FAM135B: variants seen among roughly 807,000 people sequenced by gnomAD.
FAM135B encodes family with sequence similarity 135 member B, also known as protein FAM135B.
A neutral mutation model predicts 127.7 loss-of-function variants in FAM135B; 43 were observed. The ratio of observed to expected loss-of-function variants is 0.34; its 90% CI spans 0.26 to 0.43. FAM135B has a LOEUF of 0.43. Among genes scored for constraint, FAM135B ranks in the 20% least tolerant of loss-of-function variants. The pLI is 1.00. For synonymous variants in FAM135B, 670 were observed against 665.1 expected (o/e 1.01, Z -0.11); for missense variants, 1,558 against 1,725.6 (o/e 0.90, Z 1.72).
intron 1 of FAM135B, among the ~76,000 whole-genome samples, chr8:138,375,020 A>G (rs934924174): frequency 6.6e-6 from 1 of 150,800 alleles, no homozygotes; most frequent in East Asian, 2.0e-4. Context: ...CAACAACCCC[A>G]GATTATTGTG....
intron 2 of FAM135B, among the ~76,000 whole-genome samples, chr8:138,341,607 T>C (rs1389738790): frequency 6.6e-6 from 1 of 151,980 alleles, no homozygotes; most frequent in Non-Finnish European, 1.5e-5. Context: ...TTTACCAAAA[T>C]TGAAAAAAAT....
chr8:138,145,432 C>T (rs1415433626), intron 15 of FAM135B, among the ~76,000 whole-genome samples: 1 of 152,102 alleles, frequency 6.6e-6, no homozygotes. Flanking sequence ...TGACATGGAC[C>T]CTGCCTAACT....
intron 1 of FAM135B, among the ~76,000 whole-genome samples, chr8:138,371,917 G>C (rs1324253885): frequency 6.6e-6 from 1 of 152,180 alleles, no homozygotes; most frequent in Admixed American, 6.5e-5. Context: ...GTGTGTCCAG[G>C]CACTCTGGCA....
At chr8:138,424,379 G>A (rs923000271) in intron 1 of FAM135B, among the ~76,000 whole-genome samples, 27 of 152,130 alleles carry the variant, frequency 1.8e-4, no homozygotes, top group African/African-American at 4.6e-4. Context: ...GGCTTCAGCC[G>A]GTCCCTCCGT....
At chr8:138,369,699 A>G (rs1027715730) in intron 1 of FAM135B, among the ~76,000 whole-genome samples, 4 of 152,172 alleles carry the variant, frequency 2.6e-5, no homozygotes, top group South Asian at 2.1e-4. Context: ...CCGAGGCTCA[A>G]TTTTAATCCC....
chr8:138,294,097 A>G (rs1825311980), intron 3 of FAM135B, among the ~76,000 whole-genome samples: 1 of 152,198 alleles, frequency 6.6e-6, no homozygotes, highest in South Asian at 2.1e-4. Flanking sequence ...ATTTTGCAAT[A>G]ACTCAGGTGG....
intron 11 of FAM135B, among the ~76,000 whole-genome samples, chr8:138,177,115 C>T (rs1814544063): frequency 6.6e-6 from 1 of 152,164 alleles, no homozygotes; most frequent in Non-Finnish European, 1.5e-5. Context: ...GTCTACAAAA[C>T]CATGATACTC....
In FAM135B at chr8:138,442,267, T is replaced by TATATATATAC. The variant is rs1554694338; in HGVS notation, c.-20+54403_-20+54404insGTATATATAT. On this transcript the variant is annotated intron_variant, in intron 1 of 19. Coordinates refer to ENST00000395297, the MANE Select transcript of FAM135B (RefSeq NM_015912.4). The stretch of plus-strand genomic sequence containing the variant: ...ATATATATATATATATATATATATA[T>TATATATATAC]ATATATATATGAAAAACCTTGGCAG... Among the ~76,000 whole-genome samples, 704 of 86,724 alleles carry TATATATATAC rather than the reference T, an allele frequency of 8.1e-3. 45 individuals are homozygous for TATATATATAC. The highest frequency in any genetic ancestry group is 8.7e-3 in the Non-Finnish European group (366 of 41,948). The allele number at this position is 86,724 out of a possible 152,430, so 56.9% of individuals were successfully genotyped here.
intron 1 of FAM135B, among the ~76,000 whole-genome samples, chr8:138,424,490 T>C (rs952273981): frequency 6.6e-6 from 1 of 152,194 alleles, no homozygotes; most frequent in Non-Finnish European, 1.5e-5. Context: ...CAAATGGGTA[T>C]CTACTTTAAA....
intron 2 of FAM135B, among the ~76,000 whole-genome samples, chr8:138,342,111 C>G (rs370329760): frequency 6.6e-6 from 1 of 152,222 alleles, no homozygotes; most frequent in Non-Finnish European, 1.5e-5. Flanking sequence ...CATCTCTTCA[C>G]CCATTTTATC....
intron 1 of FAM135B, among the ~76,000 whole-genome samples, chr8:138,392,304 A>G (rs921227002): frequency 2.6e-5 from 4 of 152,222 alleles, no homozygotes; most frequent in Non-Finnish European, 4.4e-5. Flanking sequence ...TCTCCAGGCC[A>G]GAAGACTAAG....
intron 3 of FAM135B, among the ~76,000 whole-genome samples, chr8:138,284,882 G>A (rs1824548275): frequency 6.6e-6 from 1 of 151,744 alleles, no homozygotes; most frequent in Non-Finnish European, 1.5e-5. Context: ...AGGGAGGTTT[G>A]TTTGGCTCAA....
intron 1 of FAM135B, among the ~76,000 whole-genome samples, chr8:138,380,749 G>GA (rs111906316): frequency 0.032 from 4,864 of 149,996 alleles, 224 homozygotes; most frequent in African/African-American, 0.1. Context: ...CAAGAGGTTG[G>GA]AAAAAAAAAG....
intron 3 of FAM135B, among the ~76,000 whole-genome samples, chr8:138,304,011 G>C (rs925537518): frequency 1.3e-5 from 2 of 152,236 alleles, no homozygotes; most frequent in Non-Finnish European, 2.9e-5. Context: ...TGCTAAGGCA[G>C]CAGAAAACGA....
chr8:138,336,938 CA>C (rs1442417537), intron 2 of FAM135B, among the ~76,000 whole-genome samples: 1 of 152,172 alleles, frequency 6.6e-6, no homozygotes, highest in African/African-American at 2.4e-5. Context: ...CCCTGGGATG[CA>C]AGGCTGGTTC....
chr8:138,333,944 G>A (rs79441791), intron 2 of FAM135B, among the ~76,000 whole-genome samples: 28,921 of 151,944 alleles, frequency 0.19, 2,836 homozygotes, highest in South Asian at 0.31. Flanking sequence ...GGGGGGAACG[G>A]AGGAGTCTCG....
At chr8:138,497,335 G>A (rs1444770791), upstream of FAM135B, among the ~76,000 whole-genome samples, 8 of 150,274 alleles carry the variant, frequency 5.3e-5, no homozygotes, top group Non-Finnish European at 1.5e-5. Flanking sequence ...GCCCGGGGCG[G>A]GCCGCCCGGC....
At chr8:138,181,296 G>T (rs1420651722) in intron 9 of FAM135B, among the ~76,000 whole-genome samples, 1 of 152,118 alleles carries the variant, frequency 6.6e-6, no homozygotes, top group Non-Finnish European at 1.5e-5. Context: ...GGCGGACAGG[G>T]TCAGTCATTA....
At chr8:138,351,172 G>A (rs987568417) in intron 2 of FAM135B, among the ~76,000 whole-genome samples, 1 of 152,166 alleles carries the variant, frequency 6.6e-6, no homozygotes, top group Non-Finnish European at 1.5e-5. Context: ...TGTACAGGCT[G>A]AATTGTGTCC....
Sources: gnomAD v4.1 joint callset for allele counts (sites outside exome capture counted in the v4.1 genomes callset) on GRCh38, gnomAD v4.1.1 for gene constraint, MANE v1.5 for transcripts, NCBI Gene and HGNC (gene_info 2026-07-23, HGNC 2026-07-21) for gene names.